USP34: variants seen among roughly 807,000 people sequenced by gnomAD.
The protein encoded by USP34 is ubiquitin carboxyl-terminal hydrolase 34.
USP34 carries 70 observed loss-of-function variants against 460.3 expected under a neutral mutation model. That is an observed-to-expected ratio of 0.15 (90% CI 0.13 to 0.19). The LOEUF (loss-of-function observed/expected upper bound fraction) is 0.19. Ranked by LOEUF, USP34 falls within the 10% of genes least tolerant of loss-of-function variation. USP34 has a pLI of 1.00. For missense variants in USP34, 3,985 were observed against 4,236.2 expected, an observed-to-expected ratio of 0.94 and a Z score of 1.65; for synonymous variants, 1,647 against 1,405.3, an observed-to-expected ratio of 1.17 and a Z score of -3.85.
At chr2:61,282,483 T>C (rs1483568366) in intron 37 of USP34, among the ~76,000 whole-genome samples, 1 of 152,206 alleles carries the variant, frequency 6.6e-6, no homozygotes, top group Non-Finnish European at 1.5e-5. Context: ...CTAGCCTCTA[T>C]TTCTACTTAA....
At chr2:61,452,465 T>C (rs1015243296) in intron 1 of USP34, among the ~76,000 whole-genome samples, 1 of 151,656 alleles carries the variant, frequency 6.6e-6, no homozygotes, top group Non-Finnish European at 1.5e-5. Flanking sequence ...GCTGGGATTA[T>C]AGGCATGCAT....
intron 2 of USP34, among the ~76,000 whole-genome samples, chr2:61,419,088 A>T (rs1038995041): frequency 1.3e-5 from 2 of 152,220 alleles, no homozygotes; most frequent in Non-Finnish European, 2.9e-5. Context: ...TCCACCAATG[A>T]GGAAATGAGA....
intron 43 of USP34, among the ~76,000 whole-genome samples, chr2:61,262,848 A>AT (rs1185989655): frequency 2.6e-5 from 4 of 152,088 alleles, no homozygotes; most frequent in African/African-American, 9.7e-5. Flanking sequence ...AGCATCAGTT[A>AT]TTTTTTGACT....
intron 43 of USP34, among the ~76,000 whole-genome samples, chr2:61,260,403 A>G (rs1295506814): frequency 6.6e-6 from 1 of 152,192 alleles, no homozygotes; most frequent in East Asian, 1.9e-4. Context: ...AAGTATTAAA[A>G]TGAATCTATA....
rs1690203146 is a variant in USP34 at position 61,301,038 on chromosome 2, C to A, written c.4041G>T (p.Glu1347Asp). 6.2e-7 allele frequency: 1 copy of A among 1,613,870 alleles called. No homozygotes were observed. The highest frequency in any genetic ancestry group is 8.5e-7 in the Non-Finnish European group (1 of 1,179,960). The change falls in exon 29 of 80, where the codon GAG (glutamate) becomes GAT (aspartate). Residue 1347 changes from glutamate to aspartate, a missense_variant. Around this residue, in one of 14 missense-constraint regions of USP34, gnomAD observed 1,114 missense variants for 1,122.5 expected, o/e 0.99. Coordinates refer to ENST00000398571, the MANE Select transcript of USP34 (RefSeq NM_014709.4). ...AATCAAAAAGAGTAGTTAAATGAGG[C>A]TCTTGTAAAAGCAAAAGCATTGGAA... ...DNIPMLLLLQ[E>D]PHLTTLFDLL...
chr2:61,467,083 A>C (rs1695790378), intron 1 of USP34, among the ~76,000 whole-genome samples: 1 of 151,914 alleles, frequency 6.6e-6, no homozygotes, highest in Non-Finnish European at 1.5e-5. Flanking sequence ...AAGCGGGTAG[A>C]TCACACGGTA....
At chr2:61,325,926 G>C (rs1238915285) in intron 20 of USP34, among the ~76,000 whole-genome samples, 4 of 152,142 alleles carry the variant, frequency 2.6e-5, no homozygotes, top group Non-Finnish European at 5.9e-5. Context: ...TACAAAATTT[G>C]TATTTTTGAA....
intron 41 of USP34, among the ~76,000 whole-genome samples, chr2:61,269,417 C>T (rs529744399): frequency 1.3e-5 from 2 of 151,372 alleles, no homozygotes; most frequent in Admixed American, 6.6e-5. Flanking sequence ...CCTTTTGCCT[C>T]GACCTTACAA....
rs1447268174 is a variant in USP34 at position 61,319,334 on chromosome 2, A to G, written c.3014-7T>C. On this transcript the variant is annotated splice_region_variant and splice_polypyrimidine_tract_variant and intron_variant, in intron 21 of 79. Coordinates refer to ENST00000398571, the MANE Select transcript of USP34 (RefSeq NM_014709.4). ...ACTTGCTCTAAACTTAACCCTAGAT[A>G]AAAATTATAAATTTTATACTTTATT... 1 of 1,522,778 alleles carries G rather than the reference A, an allele frequency of 6.6e-7. No homozygotes were observed. The highest frequency in any genetic ancestry group is 8.7e-7 in the Non-Finnish European group (1 of 1,144,318). 94.3% of individuals were successfully genotyped at this position (1,522,778 alleles called of 1,614,324 possible). A position where few individuals can be genotyped will look rare whatever the true frequency, so the allele number is the denominator to read the frequency against.
At position 61,284,878 on chromosome 2, in the gene USP34, G is replaced by C. The variant is rs1016045611; in HGVS notation, c.4829C>G (p.Pro1610Arg). The C allele has an allele frequency of 1.9e-6, 3 of 1,606,848 alleles. No individual in the cohort carries two copies. In the African/African-American group the frequency reaches 4.0e-5, roughly 22 times the overall value. The stretch of plus-strand genomic sequence containing the variant: ...AAATATATCTTAAAATGCATACCTA[G>C]GAGCCAGATTATCATACGTATAAGC... Reference protein sequence around the residue: ...SVAYTYDNLAPRVLKAQSDHR... With the variant: ...SVAYTYDNLARRVLKAQSDHR... The change falls in exon 35 of 80, where the codon CCT (proline) becomes CGT (arginine). Residue 1610 changes from proline (P) to arginine (R), a missense_variant. Transcript: ENST00000398571.
intron 16 of USP34, 32 bp from the exon 17 acceptor site, chr2:61,339,713 T>C (rs978106044): frequency 1.3e-5 from 15 of 1,194,164 alleles, no homozygotes; most frequent in Admixed American, 2.9e-5. Context: ...AGACACACTA[T>C]AGAGAAATGC....
At chr2:61,350,164 A>G in intron 12 of USP34, 96 bp downstream of exon 12, 1 of 1,325,504 alleles carries the variant, frequency 7.5e-7, no homozygotes. Context: ...CACTTATTTT[A>G]AAATAAAGAT....
chr2:61,283,092 T>A, intron 37 of USP34, 53 bp downstream of exon 37: 2 of 1,575,916 alleles, frequency 1.3e-6, no homozygotes, highest in Non-Finnish European at 8.7e-7. Flanking sequence ...TCAATGCTAA[T>A]AACATGAAAA....
intron 49 of USP34, 97 bp from the exon 50 acceptor site, chr2:61,246,574 T>G: frequency 1.3e-6 from 1 of 791,042 alleles, no homozygotes; most frequent in Non-Finnish European, 1.7e-6. Context: ...TACAATATTT[T>G]AAGTCATTTT....
At chr2:61,271,353 ATC>A (rs1416903418) in intron 41 of USP34, among the ~76,000 whole-genome samples, 1 of 152,204 alleles carries the variant, frequency 6.6e-6, no homozygotes, top group Non-Finnish European at 1.5e-5. Flanking sequence ...CTCTGATGAT[ATC>A]TCTTTTTAAT....
At position 61,342,954 on chromosome 2, in the gene USP34, A is replaced by G. The variant is rs74750911; in HGVS notation, c.2500+861T>C. On this transcript the variant is annotated intron_variant, in intron 16 of 79. Transcript: ENST00000398571. ...CTAACCTATTCCTTTCTCAACAACCACAACAGCACAACAATAAAATAAGTC... is the reference window on the plus strand; with the variant it reads ...CTAACCTATTCCTTTCTCAACAACCGCAACAGCACAACAATAAAATAAGTC... 7.4e-3 allele frequency among the ~76,000 whole-genome samples: 1,122 copies of G among 152,318 alleles called. 11 individuals carry two copies. Among genetic ancestry groups the G allele is most frequent in the African/African-American group, 0.026 (1,068 of 41,568 alleles).
At chr2:61,387,962 T>C (rs35168297) in intron 5 of USP34, among the ~76,000 whole-genome samples, 48,819 of 132,062 alleles carry the variant, frequency 0.37, 8,271 homozygotes, top group South Asian at 0.44. Context: ...CACACACATA[T>C]ATATATATAA....
chr2:61,350,630 C>A lies in USP34; in HGVS notation c.1315G>T (p.Val439Leu), dbSNP rs767819171. 4 of 1,613,408 alleles carry A rather than the reference C, an allele frequency of 2.5e-6. No homozygotes were observed. The highest frequency in any genetic ancestry group is 1.1e-5 in the South Asian group (1 of 91,026). The stretch of plus-strand genomic sequence containing the variant: ...AGATTAAGTAGATGTCTAAGTGGTA[C>A]GGGATCCAAATTCTTGATGAGTGAA... ...FPSLIKNLDP[V>L]PLRHLLNLVS... The change falls in exon 11 of 80, where the codon GTA becomes TTA. Residue 439 changes from valine to leucine, a missense_variant. Around this residue, in one of 14 missense-constraint regions of USP34, gnomAD observed 716 missense variants for 626.2 expected, o/e 1.14. Transcript: ENST00000398571.
At chr2:61,276,449 T>G (rs1689375032) in intron 41 of USP34, among the ~76,000 whole-genome samples, 1 of 152,186 alleles carries the variant, frequency 6.6e-6, no homozygotes, top group Non-Finnish European at 1.5e-5. Flanking sequence ...GAATACTATT[T>G]ATAAACTGTA....
Sources: allele counts gnomAD v4.1 joint callset (sites outside exome capture counted in the v4.1 genomes callset), GRCh38; gene constraint gnomAD v4.1.1; regional missense constraint gnomAD v4.1.1; transcripts MANE v1.5; gene names NCBI Gene and HGNC (gene_info 2026-07-23, HGNC 2026-07-21).